MIPOL1: variants seen among roughly 807,000 people sequenced by gnomAD.
MIPOL1 encodes mirror-image polydactyly 1, also known as mirror-image polydactyly gene 1 protein.
A neutral mutation model predicts 60.9 loss-of-function variants in MIPOL1; 57 were observed. The observed-to-expected ratio is 0.94, with a 90% CI of 0.76 to 1.17. The LOEUF (loss-of-function observed/expected upper bound fraction) is 1.17. Ranked by LOEUF, MIPOL1 falls within the 50% of genes most tolerant of loss-of-function variation. The pLI is 0.00. For synonymous variants in MIPOL1, 179 were observed against 168.8 expected (o/e 1.06, Z -0.47); for missense variants, 551 against 511.6 (o/e 1.08, Z -0.74).
At chr14:37,302,763 T>A (rs2086422090) in intron 7 of MIPOL1, among the ~76,000 whole-genome samples, 1 of 151,820 alleles carries the variant, frequency 6.6e-6, no homozygotes, top group Non-Finnish European at 1.5e-5. Context: ...GTGGGTTAAT[T>A]TCTGAATTTA....
intron 7 of MIPOL1, among the ~76,000 whole-genome samples, chr14:37,302,262 G>GTTTTTTTTTTTT (rs57468146): frequency 1.1e-5 from 1 of 95,032 alleles, no homozygotes; most frequent in East Asian, 3.5e-4. Context: ...TGGAACTGTT[G>GTTTTTTTTTTTT]TTTTTTTTTT....
rs1025424229 is a variant in MIPOL1 at position 37,215,133 on chromosome 14, T to TTC, written c.-199+17043_-199+17044dup. Among the ~76,000 whole-genome samples, 22 of 150,986 alleles carry TTC rather than the reference T, an allele frequency of 1.5e-4. 1 individual carries two copies. The highest frequency in any genetic ancestry group is 2.1e-4 in the South Asian group (1 of 4,796). On this transcript the variant is annotated intron_variant, in intron 1 of 12. Transcript: ENST00000684589. Reference sequence around the variant, plus strand: ...TGCAGAAATAATGGCGTAAGCTGTCTTCTCTCTCTCTCTCTGTCCGCCTTG... The same window carrying TTC: ...TGCAGAAATAATGGCGTAAGCTGTCTTCTCTCTCTCTCTCTCTGTCCGCCTTG...
rs565919816 is a variant in MIPOL1 at position 37,452,997 on chromosome 14, T to G, written c.1031+30048T>G. Among the ~76,000 whole-genome samples, 38 of 152,320 alleles carry G rather than the reference T, an allele frequency of 2.5e-4. 1 individual carries two copies. Among genetic ancestry groups the G allele is most frequent in the Admixed American group, 1.5e-3 (23 of 15,282 alleles). ...CTTTTAGAAACCTTAGGCAATGGTA[T>G]TAAGAAGCAGCAGTAATGGATTGGA... On this transcript the variant is annotated intron_variant, in intron 11 of 12. Transcript: ENST00000684589.
At chr14:37,282,030 C>T (rs2084147437) in intron 6 of MIPOL1, among the ~76,000 whole-genome samples, 1 of 151,676 alleles carries the variant, frequency 6.6e-6, no homozygotes, top group African/African-American at 2.4e-5. Flanking sequence ...TTTAAATGCA[C>T]ATATACATCT....
intron 1 of MIPOL1, among the ~76,000 whole-genome samples, chr14:37,225,182 A>G (rs1969497501): frequency 6.6e-6 from 1 of 152,122 alleles, no homozygotes; most frequent in South Asian, 2.1e-4. Flanking sequence ...CAGCTTTTCC[A>G]GGCACATGGT....
At chr14:37,307,678 A>T (rs1388807394) in intron 7 of MIPOL1, among the ~76,000 whole-genome samples, 5 of 152,008 alleles carry the variant, frequency 3.3e-5, no homozygotes, top group Non-Finnish European at 7.4e-5. Context: ...TGTTTTACTT[A>T]TGATGGTGTC....
rs1177453026 is a variant in MIPOL1 at position 37,549,519 on chromosome 14, G to C, written c.*2548G>C. On this transcript the variant is annotated 3_prime_UTR_variant, in exon 13 of 13. Transcript: ENST00000684589. ...TCAGTAAGCCTTGGAATTTGCCAAG[G>C]ACTGGCTAGGACCTAGAACTAAGAT... 6.6e-6 allele frequency: 1 copy of C among 151,684 alleles called. No individual in the cohort carries two copies. The highest frequency in any genetic ancestry group is 2.4e-5 in the African/African-American group (1 of 41,352). 9.4% of individuals were successfully genotyped at this position (151,684 alleles called of 1,614,324 possible). A position where few individuals can be genotyped will look rare whatever the true frequency, so the allele number is the denominator to read the frequency against.
chr14:37,397,648 C>G (rs1045002435), intron 10 of MIPOL1, among the ~76,000 whole-genome samples: 1 of 152,060 alleles, frequency 6.6e-6, no homozygotes, highest in African/African-American at 2.4e-5. Flanking sequence ...AGCTCAGACT[C>G]TCCTTGGGTA....
At chr14:37,244,857 A>AAGTATAAAT (rs1313079480) in intron 1 of MIPOL1, among the ~76,000 whole-genome samples, 1 of 152,156 alleles carries the variant, frequency 6.6e-6, no homozygotes, top group Non-Finnish European at 1.5e-5. Flanking sequence ...CCTAAAAAAG[A>AAGTATAAAT]AGTATAAATA....
intron 11 of MIPOL1, among the ~76,000 whole-genome samples, chr14:37,472,976 G>A (rs866777264): frequency 1.3e-5 from 2 of 152,038 alleles, no homozygotes; most frequent in African/African-American, 4.8e-5. Context: ...GTCTGATTAG[G>A]TCCAATTTAG....
chr14:37,500,260 T>A, intron 12 of MIPOL1, 122 bp downstream of exon 12: 1 of 768,426 alleles, frequency 1.3e-6, no homozygotes, highest in Non-Finnish European at 2.0e-6. Flanking sequence ...AAAGTAGAAT[T>A]AACCCAGTGA....
At chr14:37,381,158 G>A (rs12893503) in intron 10 of MIPOL1, among the ~76,000 whole-genome samples, 33,244 of 151,894 alleles carry the variant, frequency 0.22, 4,111 homozygotes, top group South Asian at 0.36. Context: ...AAGACTCTCA[G>A]TGTTCCCAGG....
At chr14:37,407,174 G>T (rs550348317) in intron 10 of MIPOL1, among the ~76,000 whole-genome samples, 1 of 152,032 alleles carries the variant, frequency 6.6e-6, no homozygotes, top group African/African-American at 2.4e-5. Context: ...CTAAAAATTG[G>T]ACTAAACAGT....
In MIPOL1 at chr14:37,285,377, C is replaced by T. The variant is rs757072329; in HGVS notation, c.553C>T (p.Leu185=). ...KERDEAVMSR[L]QLAIEERDEA... ...ACGTGATGAAGCTGTTATGTCTAGA[C>T]TGCAATTAGCCATTGAGGAGAGAGA... Residue 185 remains leucine (L), a synonymous_variant, in exon 7 of 13, where the codon CTG becomes TTG. Transcript: ENST00000684589. 2.5e-6 allele frequency: 4 copies of T among 1,613,970 alleles called. No homozygotes were observed. Among genetic ancestry groups the T allele is most frequent in the Non-Finnish European group, 3.4e-6 (4 of 1,179,956 alleles).
intron 11 of MIPOL1, among the ~76,000 whole-genome samples, chr14:37,496,615 AG>A (rs2095134127): frequency 1.3e-5 from 2 of 149,960 alleles, no homozygotes; most frequent in Non-Finnish European, 3.0e-5. Flanking sequence ...GACCTCTTCA[AG>A]GAGAACTACA....
intron 9 of MIPOL1, among the ~76,000 whole-genome samples, chr14:37,313,965 T>C (rs1196948638): frequency 6.6e-6 from 1 of 152,184 alleles, no homozygotes; most frequent in African/African-American, 2.4e-5. Flanking sequence ...TGTTAGTTTC[T>C]TCTTGCCTGT....
chr14:37,377,504 A>C (rs1484035138), intron 10 of MIPOL1, among the ~76,000 whole-genome samples: 4 of 152,074 alleles, frequency 2.6e-5, no homozygotes, highest in Admixed American at 2.6e-4. Context: ...ATCATCAGCA[A>C]CTTTTTGGGG....
chr14:37,285,632 C>T (rs1239894253), intron 7 of MIPOL1, among the ~76,000 whole-genome samples, 185 bp downstream of exon 7: 1 of 149,980 alleles, frequency 6.7e-6, no homozygotes, highest in Non-Finnish European at 1.5e-5. Context: ...TGCCCTGTTG[C>T]CCAGGCTGGA....
intron 3 of MIPOL1, among the ~76,000 whole-genome samples, chr14:37,255,977 A>G (rs1974852403): frequency 6.6e-6 from 1 of 151,814 alleles, no homozygotes; most frequent in African/African-American, 2.4e-5. Context: ...TTGTGTAGAA[A>G]CAATGTTTTT....
Sources: allele counts gnomAD v4.1 joint callset (sites outside exome capture counted in the v4.1 genomes callset), GRCh38; gene constraint gnomAD v4.1.1; transcripts MANE v1.5; gene names NCBI Gene and HGNC (gene_info 2026-07-23, HGNC 2026-07-21).